GAD1: variants seen among roughly 807,000 people sequenced by gnomAD.
The protein encoded by GAD1 is glutamate decarboxylase 1, also known as 67 kDa glutamic acid decarboxylase.
Under a neutral mutation model 75.2 loss-of-function variants are expected in GAD1, and 35 were observed. The ratio of observed to expected loss-of-function variants is 0.47; its 90% CI spans 0.36 to 0.62. GAD1 has a LOEUF of 0.62. Ranked by LOEUF, GAD1 falls within the 20% of genes least tolerant of loss-of-function variation. GAD1 has a pLI of 0.00. For missense variants in GAD1, 490 were observed against 758.5 expected, an observed-to-expected ratio of 0.65 and a Z score of 4.16; for synonymous variants, 257 against 271.9, an observed-to-expected ratio of 0.95 and a Z score of 0.54.
intron 4 of GAD1, among the ~76,000 whole-genome samples, chr2:170,830,402 G>T (rs1028697617): frequency 6.6e-6 from 1 of 152,204 alleles, no homozygotes; most frequent in Non-Finnish European, 1.5e-5. Flanking sequence ...GGCCCAAAAG[G>T]GTGGGGTCAA....
At chr2:170,830,408 G>A (rs535631312) in intron 4 of GAD1, among the ~76,000 whole-genome samples, 55 of 152,348 alleles carry the variant, frequency 3.6e-4, no homozygotes, top group Non-Finnish European at 5.6e-4. Flanking sequence ...AAAGGGTGGG[G>A]TCAAGAAAGA....
upstream of GAD1, chr2:170,813,377 G>T (rs1200670124): frequency 3.3e-5 from 5 of 152,178 alleles, no homozygotes; most frequent in African/African-American, 1.2e-4. Flanking sequence ...GAAAGGTTAA[G>T]TAACGCTTCC....
At position 170,845,612 on chromosome 2, in the gene GAD1, C is replaced by T. The variant is rs1161835807; in HGVS notation, c.858C>T (p.Thr286=). 7 of 1,614,054 alleles carry T rather than the reference C, an allele frequency of 4.3e-6. No homozygotes were observed. The South Asian group carries it at 5.5e-5, about 13-fold the overall frequency. ...CTGTGCCTAAACTGGTCCTCTTCAC[C>T]TCAGAACAGGTGAGTCGGGGATGCT... ...MAAVPKLVLF[T]SEQSHYSIKK... The change falls in exon 8 of 17, where the codon ACC becomes ACT. Residue 286 remains threonine (T), a synonymous_variant. Coordinates refer to ENST00000358196, the MANE Select transcript of GAD1 (RefSeq NM_000817.3).
intron 3 of GAD1, among the ~76,000 whole-genome samples, chr2:170,825,691 T>C (rs1209603194): frequency 6.6e-6 from 1 of 152,118 alleles, no homozygotes; most frequent in Non-Finnish European, 1.5e-5. Flanking sequence ...CAGCAGGAGC[T>C]CCCCTCAGCT....
At chr2:170,817,070 T>TA (rs1208234241) in intron 1 of GAD1, 22 bp downstream of exon 1, 100 of 160,032 alleles carry the variant, frequency 6.2e-4, no homozygotes, top group Admixed American at 1.0e-3. Context: ...AGCGACCACC[T>TA]GGACTTCCCA....
At chr2:170,831,982 A>C (rs944410142) in intron 5 of GAD1, among the ~76,000 whole-genome samples, 4 of 151,858 alleles carry the variant, frequency 2.6e-5, no homozygotes, top group African/African-American at 4.8e-5. Context: ...AAGAATTTTC[A>C]TTCTTGGATT....
intron 7 of GAD1, among the ~76,000 whole-genome samples, chr2:170,844,400 CTTTT>C (rs1221632224): frequency 7.1e-6 from 1 of 141,294 alleles, no homozygotes; most frequent in Non-Finnish European, 1.5e-5. Context: ...CCCATTTTTT[CTTTT>C]TTCTTTTTTT....
chr2:170,842,492 C>T (rs898977178), intron 6 of GAD1: 7 of 1,252,682 alleles, frequency 5.6e-6, no homozygotes, highest in Non-Finnish European at 8.2e-6. Flanking sequence ...GTTAAAAGCC[C>T]ATCATGAGTT....
At chr2:170,837,081 G>A (rs1702396013) in intron 6 of GAD1, among the ~76,000 whole-genome samples, 198 bp downstream of exon 6, 1 of 152,162 alleles carries the variant, frequency 6.6e-6, no homozygotes, top group African/African-American at 2.4e-5. Context: ...TGGAATTTAA[G>A]GAAAGCATGG....
chr2:170,830,886 C>A, intron 4 of GAD1, 64 bp from the exon 5 acceptor site: 1 of 1,607,718 alleles, frequency 6.2e-7, no homozygotes, highest in Non-Finnish European at 8.5e-7. Flanking sequence ...TATTAGGGGT[C>A]TCTGGGCTGA....
At chr2:170,849,061 G>T (rs1702697112) in intron 11 of GAD1, 1 of 609,394 alleles carries the variant, frequency 1.6e-6, no homozygotes, top group Non-Finnish European at 3.0e-6. Context: ...TGGCCTAGCT[G>T]TATCACTTGT....
chr2:170,831,786 T>C, intron 5 of GAD1, among the ~76,000 whole-genome samples: 1 of 145,400 alleles, frequency 6.9e-6, no homozygotes, highest in Non-Finnish European at 1.5e-5. Flanking sequence ...ATTTATATTA[T>C]ATATTATATA....
At chr2:170,821,969 T>A in intron 2 of GAD1, 118 bp from the exon 3 acceptor site, 1 of 887,282 alleles carries the variant, frequency 1.1e-6, no homozygotes, top group Non-Finnish European at 1.8e-6. Flanking sequence ...GGAAGTAGCT[T>A]TTAATGAAGA....
chr2:170,844,303 G>T (rs1337640615), intron 7 of GAD1, 146 bp downstream of exon 7: 1 of 646,042 alleles, frequency 1.5e-6, no homozygotes, highest in African/African-American at 1.8e-5. Context: ...TAACAAAAAT[G>T]CTACATTCTA....
intron 7 of GAD1, 66 bp downstream of exon 7, chr2:170,844,223 G>A: frequency 1.1e-6 from 1 of 923,568 alleles, no homozygotes; most frequent in Admixed American, 1.8e-5. Flanking sequence ...TATGAAGTAG[G>A]TTTATGGAAG....
intron 12 of GAD1, among the ~76,000 whole-genome samples, chr2:170,850,414 A>G (rs1371554118): frequency 6.6e-6 from 1 of 152,180 alleles, no homozygotes; most frequent in African/African-American, 2.4e-5. Flanking sequence ...GATATGAGGA[A>G]CAGTATTCTA....
At chr2:170,819,908 G>A (rs577446051) in intron 2 of GAD1, among the ~76,000 whole-genome samples, 2 of 152,154 alleles carry the variant, frequency 1.3e-5, no homozygotes, top group Admixed American at 1.3e-4. Context: ...AGGAGGTCTC[G>A]TGTTAAGTCC....
rs1331518235 is a variant in GAD1 at position 170,860,275 on chromosome 2, C to T, written c.*393C>T. 6 of 212,458 alleles carry T rather than the reference C, an allele frequency of 2.8e-5. No individual in the cohort carries two copies. The highest frequency in any genetic ancestry group is 5.3e-5 in the Admixed American group (1 of 18,982). 13.2% of individuals were successfully genotyped at this position (212,458 alleles called of 1,614,324 possible). ...ACTCCAGGAAAACTGTTTTTCAAAACGCCATGTCCTAGGGGCCGAGGGAAA... is the reference window on the plus strand; with the variant it reads ...ACTCCAGGAAAACTGTTTTTCAAAATGCCATGTCCTAGGGGCCGAGGGAAA... On this transcript the variant is annotated 3_prime_UTR_variant, in exon 17 of 17. Coordinates refer to ENST00000358196, the MANE Select transcript of GAD1 (RefSeq NM_000817.3).
chr2:170,843,014 G>T (rs1464914469), intron 6 of GAD1, among the ~76,000 whole-genome samples: 4 of 152,186 alleles, frequency 2.6e-5, no homozygotes, highest in Non-Finnish European at 1.5e-5. Flanking sequence ...GTCAGTCTAG[G>T]CATCTCTTTT....
Sources: allele counts gnomAD v4.1 joint callset (sites outside exome capture counted in the v4.1 genomes callset), GRCh38; gene constraint gnomAD v4.1.1; transcripts MANE v1.5; gene names NCBI Gene and HGNC (gene_info 2026-07-23, HGNC 2026-07-21).